Variants in ITGA3 observed in about 807,000 individuals in gnomAD.
ITGA3 encodes integrin alpha-3.
A neutral mutation model predicts 131.1 loss-of-function variants in ITGA3; 70 were observed. The observed-to-expected ratio is 0.53, with a 90% CI of 0.44 to 0.65. The LOEUF (loss-of-function observed/expected upper bound fraction) is 0.65. ITGA3 is among the 30% of genes least tolerant of loss of function. The pLI is 0.00. For synonymous variants in ITGA3, 537 were observed against 571.6 expected, an observed-to-expected ratio of 0.94 and a Z score of 0.86; for missense variants, 1,098 against 1,388.6, an observed-to-expected ratio of 0.79 and a Z score of 3.33.
At chr17:50,079,041 G>T in intron 19 of ITGA3, 35 bp from the exon 20 acceptor site, 1 of 1,599,556 alleles carries the variant, frequency 6.3e-7, no homozygotes, top group Non-Finnish European at 8.6e-7. Flanking sequence ...TGGTTTTCCA[G>T]GAGATAATGA....
At chr17:50,077,156 G>A in intron 15 of ITGA3, 35 bp downstream of exon 15, 1 of 1,511,888 alleles carries the variant, frequency 6.6e-7, no homozygotes, top group Non-Finnish European at 8.9e-7. Flanking sequence ...AGCCCAAGCA[G>A]GGCTCCCCGC....
chr17:50,064,728 C>T lies in ITGA3; in HGVS notation c.414+121C>T, dbSNP rs956952999. On this transcript the variant is annotated intron_variant, in intron 3 of 25. Transcript: ENST00000320031. This position sits in a 1 kb window ranked among gnomAD's most constrained non-coding sequence, Gnocchi z 4.4. Reference sequence around the variant, plus strand: ...CGGCGCGTGTGTGCTGGGGCCTGCACACATGTCCCTTCCTGTGGCTGTGTG... The same window carrying T: ...CGGCGCGTGTGTGCTGGGGCCTGCATACATGTCCCTTCCTGTGGCTGTGTG... The T allele has an allele frequency of 5.8e-5, 41 of 709,714 alleles. No homozygotes were observed. The East Asian group carries it at 1.1e-3, about 19-fold the overall frequency. The allele number at this position is 709,714 out of a possible 1,614,324, so 44.0% of individuals were successfully genotyped here.
chr17:50,074,646 T>C (rs945354642), intron 10 of ITGA3, 112 bp downstream of exon 10: 2 of 756,952 alleles, frequency 2.6e-6, no homozygotes, highest in Non-Finnish European at 4.4e-6. Flanking sequence ...AGAAATTTGA[T>C]TCTTGGGGCC....
At position 50,075,887 on chromosome 17, in the gene ITGA3, G is replaced by A. The variant is rs561371953; in HGVS notation, c.1674+152G>A. The A allele has an allele frequency of 3.0e-5, 23 of 776,556 alleles. No homozygotes were observed. The South Asian group carries it at 3.8e-4, about 13-fold the overall frequency. The allele number at this position is 776,556 out of a possible 1,614,324, so 48.1% of individuals were successfully genotyped here. A position where few individuals can be genotyped will look rare whatever the true frequency, so the allele number is the denominator to read the frequency against. On this transcript the variant is annotated intron_variant, in intron 12 of 25. Coordinates refer to ENST00000320031, the MANE Select transcript of ITGA3 (RefSeq NM_002204.4). ...AAGGCTATTGGTGTGTAGGAGTACA[G>A]TGTACAGCACCCACACATGAGGAGT...
chr17:50,070,983 C>A, intron 5 of ITGA3, 53 bp downstream of exon 5: 1 of 1,169,698 alleles, frequency 8.5e-7, no homozygotes. Flanking sequence ...GGGGCTTAGT[C>A]CCTGGTGGAA....
intron 3 of ITGA3, 63 bp from the exon 4 acceptor site, chr17:50,067,993 A>T (rs1165390722): frequency 6.2e-7 from 1 of 1,600,718 alleles, no homozygotes; most frequent in Non-Finnish European, 8.5e-7. Flanking sequence ...TACAGGGTAA[A>T]AGAGACAGCT....
Position 50,089,385 on chromosome 17 carries a change from C to A in ITGA3, c.*307C>A, listed in dbSNP as rs1293920441. ...TTTGGCTGGTAGCAGCAGGCTCAGGCACATACACCTCGTCAAGAGCATGCA... is the reference window on the plus strand; with the variant it reads ...TTTGGCTGGTAGCAGCAGGCTCAGGAACATACACCTCGTCAAGAGCATGCA... On this transcript the variant is annotated 3_prime_UTR_variant, in exon 26 of 26. Coordinates refer to ENST00000320031, the MANE Select transcript of ITGA3 (RefSeq NM_002204.4). 9 of 767,024 alleles carry A rather than the reference C, an allele frequency of 1.2e-5. 1 individual carries two copies. In the South Asian group the frequency reaches 1.3e-4, roughly 11 times the overall value. 47.5% of individuals were successfully genotyped at this position (767,024 alleles called of 1,614,324 possible).
intron 24 of ITGA3, 26 bp downstream of exon 24, chr17:50,087,895 C>T: frequency 6.5e-7 from 1 of 1,535,754 alleles, no homozygotes; most frequent in Non-Finnish European, 8.8e-7. Flanking sequence ...CACTCCTGCT[C>T]CGGGACCTCC....
At position 50,077,381 on chromosome 17, in the gene ITGA3, C is replaced by T. The variant is rs774186539; in HGVS notation, c.2073C>T (p.Pro691=). The change falls in exon 16 of 26, where the codon CCC becomes CCT. Residue 691 remains proline (P), a splice_region_variant and synonymous_variant. Coordinates refer to ENST00000320031, the MANE Select transcript of ITGA3 (RefSeq NM_002204.4). ...CCTTATTCGCCTTCTTTCCTCAGCC[C>T]GGGGCCTGCCAAGCTAATGAGACCA... is the stretch of plus-strand genomic sequence containing the variant. ...PALLLSSVRP[P]GACQANETIF... is the part of the protein sequence containing the mutation. 1.1e-5 allele frequency: 17 copies of T among 1,613,760 alleles called. No individual in the cohort carries two copies. The Admixed American group carries it at 1.5e-4, about 14-fold the overall frequency.
chr17:50,070,983 C>G, intron 5 of ITGA3, 53 bp downstream of exon 5: 1 of 1,169,698 alleles, frequency 8.5e-7, no homozygotes, highest in Non-Finnish European at 1.3e-6. Context: ...GGGGCTTAGT[C>G]CCTGGTGGAA....
rs1312409286 is a variant in ITGA3, at chr17:50,068,292, C to T, written c.651C>T (p.Ala217=). ...QNTVYFGAPG[A]YNWKGNSYMI... is the part of the protein sequence containing the mutation. ...CTGTGTACTTCGGCGCCCCCGGTGC[C>T]TACAACTGGAAAGGTGGGGACCATG... Residue 217 remains alanine, a synonymous_variant, in exon 4 of 26, where the codon GCC becomes GCT. Transcript: ENST00000320031. The T allele has an allele frequency of 1.2e-6, 2 of 1,613,358 alleles. No individual in the cohort carries two copies. Among genetic ancestry groups the T allele is most frequent in the South Asian group, 2.2e-5 (2 of 91,070 alleles).
rs749795382 is a variant in ITGA3 at position 50,068,044 on chromosome 17, G to A, written c.415-12G>A. 1 of 1,613,578 alleles carries A rather than the reference G, an allele frequency of 6.2e-7. No individual in the cohort carries two copies. Among genetic ancestry groups the A allele is most frequent in the Non-Finnish European group, 8.5e-7 (1 of 1,179,844 alleles). On this transcript the variant is annotated splice_polypyrimidine_tract_variant and intron_variant, in intron 3 of 25. Coordinates refer to ENST00000320031, the MANE Select transcript of ITGA3 (RefSeq NM_002204.4). ...GCCTGACTAAGGCTGCCTGTGTTTG[G>A]GGGGTCCCCAGGTCTGTGCCCACCG... is the stretch of plus-strand genomic sequence containing the variant.
intron 23 of ITGA3, among the ~76,000 whole-genome samples, chr17:50,084,093 G>C (rs984815556): frequency 1.3e-5 from 2 of 151,708 alleles, no homozygotes; most frequent in African/African-American, 2.4e-5. Flanking sequence ...AATTAACTGG[G>C]CGTGGTGGTG....
chr17:50,074,619 C>T (rs1250357918), intron 10 of ITGA3, 85 bp downstream of exon 10: 4 of 898,530 alleles, frequency 4.5e-6, no homozygotes, highest in Non-Finnish European at 7.2e-6. Flanking sequence ...CCCCTGGCCT[C>T]CTGACATCCC....
chr17:50,056,298 A>G lies in ITGA3; in HGVS notation c.-142A>G. 3 of 548,996 alleles carry G rather than the reference A, an allele frequency of 5.5e-6. No individual in the cohort carries two copies. The highest frequency in any genetic ancestry group is 9.1e-6 in the Non-Finnish European group (3 of 328,740). 34.0% of individuals were successfully genotyped at this position (548,996 alleles called of 1,614,324 possible). ...TGTGAAACTGGCTGGGGCTGGGGGC[A>G]CGAAACCGATCAGCGCTACGGAGCG... On this transcript the variant is annotated 5_prime_UTR_variant, in exon 1 of 26. Coordinates refer to ENST00000320031, the MANE Select transcript of ITGA3 (RefSeq NM_002204.4). This position sits in a 1 kb window ranked among gnomAD's most constrained non-coding sequence, Gnocchi z 5.6.
intron 1 of ITGA3, among the ~76,000 whole-genome samples, chr17:50,057,618 G>A (rs531400732): frequency 2.6e-5 from 4 of 152,304 alleles, no homozygotes; most frequent in Non-Finnish European, 5.9e-5. Context: ...AAAGAGGGAC[G>A]GTGTTTAGGA....
Position 50,074,196 on chromosome 17 carries a change from C to A in ITGA3, c.1298C>A (p.Ser433Tyr). The A allele has an allele frequency of 6.2e-7, 1 of 1,614,214 alleles. No homozygotes were observed. The change falls in exon 9 of 26, where the codon TCC becomes TAC. Residue 433 changes from serine (S) to tyrosine (Y), a missense_variant. Ser to Tyr is a moderately radical substitution (Grantham distance 144). Around this residue, in one of 3 missense-constraint regions of ITGA3, gnomAD observed 699 missense variants for 829.2 expected, o/e 0.84. Coordinates refer to ENST00000320031, the MANE Select transcript of ITGA3 (RefSeq NM_002204.4). ...GLPGLATFGY[S>Y]LSGQMDVDEN... ...CCTGGGTTGGCCACCTTCGGCTATT[C>A]CCTCAGTGGGCAGATGGATGTGGAT...
chr17:50,078,521 TC>T (rs1909031735), intron 18 of ITGA3, among the ~76,000 whole-genome samples: 1 of 151,870 alleles, frequency 6.6e-6, no homozygotes, highest in South Asian at 2.1e-4. Context: ...TAAGGTGTTG[TC>T]CCTACCATTT....
chr17:50,087,913 C>T, intron 24 of ITGA3, 44 bp downstream of exon 24: 1 of 1,512,934 alleles, frequency 6.6e-7, no homozygotes, highest in Non-Finnish European at 8.9e-7. Flanking sequence ...TCCACCAGCA[C>T]ACTCACCAGC....
Sources: gnomAD v4.1 joint callset for allele counts (sites outside exome capture counted in the v4.1 genomes callset) on GRCh38, gnomAD v4.1.1 for gene constraint, gnomAD v4.1.1 regional missense constraint, Gnocchi (gnomAD v3.1) non-coding constraint, MANE v1.5 for transcripts, NCBI Gene and HGNC (gene_info 2026-07-23, HGNC 2026-07-21) for gene names.